Variants in APOBEC4 observed in about 807,000 individuals in gnomAD.
APOBEC4 encodes putative deaminase APOBEC-4.
For missense variants in APOBEC4, 375 were observed against 441.2 expected, an observed-to-expected ratio of 0.85 and a Z score of 1.34; for synonymous variants, 141 against 154.2, an observed-to-expected ratio of 0.91 and a Z score of 0.63.
At chr1:183,649,436 A>G (rs756422677) in intron 1 of APOBEC4, among the ~76,000 whole-genome samples, 2 of 152,232 alleles carry the variant, frequency 1.3e-5, no homozygotes, top group Non-Finnish European at 1.5e-5. Context: ...AGAACTATTC[A>G]GTGTGCTTGC....
chr1:183,650,214 T>G (rs138949452), intron 1 of APOBEC4, among the ~76,000 whole-genome samples: 9 of 152,282 alleles, frequency 5.9e-5, no homozygotes, highest in African/African-American at 2.2e-4. Context: ...GCTTTTTCAC[T>G]TAATATTGTG....
At chr1:183,652,336 G>C (rs1650821204) in intron 1 of APOBEC4, among the ~76,000 whole-genome samples, 1 of 152,180 alleles carries the variant, frequency 6.6e-6, no homozygotes, top group African/African-American at 2.4e-5. Flanking sequence ...AGAGGACTGT[G>C]GCTTTAACAC....
rs1650378533 is a variant in APOBEC4, at chr1:183,647,580, C to T, written c.*98G>A. On this transcript the variant is annotated 3_prime_UTR_variant, in exon 2 of 2. Transcript: ENST00000308641. The stretch of plus-strand genomic sequence containing the variant: ...TTGCTTTTAGTGCATCAGTTTATCT[C>T]CATCTTGGCTCAGCCCTGAGAGAGA... 1 of 1,476,810 alleles carries T rather than the reference C, an allele frequency of 6.8e-7. No individual in the cohort carries two copies. The highest frequency in any genetic ancestry group is 1.5e-5 in the South Asian group (1 of 68,250). 91.5% of individuals were successfully genotyped at this position (1,476,810 alleles called of 1,614,324 possible).
At chr1:183,650,306 G>A (rs1168060535) in intron 1 of APOBEC4, among the ~76,000 whole-genome samples, 1 of 152,160 alleles carries the variant, frequency 6.6e-6, no homozygotes, top group African/African-American at 2.4e-5. Flanking sequence ...CACTTTGGGA[G>A]GCCAGGGTGG....
At chr1:183,648,834 A>G (rs1650511161) in intron 1 of APOBEC4, 23 bp from the exon 2 acceptor site, 4 of 1,424,920 alleles carry the variant, frequency 2.8e-6, no homozygotes, top group Middle Eastern at 1.8e-4. Flanking sequence ...GAGAAATTAC[A>G]TATAAAACCA....
chr1:183,648,822 A>G lies in APOBEC4; in HGVS notation c.-30-11T>C. On this transcript the variant is annotated splice_polypyrimidine_tract_variant and intron_variant, in intron 1 of 1. Transcript: ENST00000308641. ...CTTCTAGCTGCAAACCTAAACAAGG[A>G]AGAGAAATTACATATAAAACCAGCG... 1 of 1,476,832 alleles carries G rather than the reference A, an allele frequency of 6.8e-7. No homozygotes were observed. The highest frequency in any genetic ancestry group is 1.3e-5 in the South Asian group (1 of 76,826). 91.5% of individuals were successfully genotyped at this position (1,476,832 alleles called of 1,614,324 possible). A position where few individuals can be genotyped will look rare whatever the true frequency, so the allele number is the denominator to read the frequency against.
chr1:183,647,546 A>G lies in APOBEC4; in HGVS notation c.*132T>C. 7.3e-7 allele frequency: 1 copy of G among 1,376,748 alleles called. No homozygotes were observed. The highest frequency in any genetic ancestry group is 9.6e-7 in the Non-Finnish European group (1 of 1,040,852). 85.3% of individuals were successfully genotyped at this position (1,376,748 alleles called of 1,614,324 possible). A position where few individuals can be genotyped will look rare whatever the true frequency, so the allele number is the denominator to read the frequency against. On this transcript the variant is annotated 3_prime_UTR_variant, in exon 2 of 2. Transcript: ENST00000308641. ...TTTATAATAGTTGATATGGTAAATA[A>G]TTCAAGGTTTGCTTTTAGTGCATCA...
chr1:183,648,673 T>A lies in APOBEC4; in HGVS notation c.109A>T (p.Thr37Ser). The A allele has an allele frequency of 6.2e-7, 1 of 1,614,210 alleles. No individual in the cohort carries two copies. ...DCSNCPYHIR[T>S]GEEARVSLTE... ...AGGGAAACTCTTGCTTCTTCACCTG[T>A]TCGAATATGGTAAGGACAATTAGAG... The change falls in exon 2 of 2, where the codon ACA (threonine) becomes TCA (serine). Residue 37 changes from threonine to serine, a missense_variant. Transcript: ENST00000308641.
At position 183,648,665 on chromosome 1, in the gene APOBEC4, T is replaced by G; in HGVS notation, c.117A>C (p.Glu39Asp). ...SNCPYHIRTG[E>D]EARVSLTEFC... ...ATTCTGTGAGGGAAACTCTTGCTTCTTCACCTGTTCGAATATGGTAAGGAC... is the reference window on the plus strand; with the variant it reads ...ATTCTGTGAGGGAAACTCTTGCTTCGTCACCTGTTCGAATATGGTAAGGAC... Residue 39 changes from glutamate to aspartate, a missense_variant, in exon 2 of 2, where the codon GAA becomes GAC. Physicochemically the swap from Glu to Asp is conservative, Grantham distance 45. Transcript: ENST00000308641. 6.2e-7 allele frequency: 1 copy of G among 1,614,250 alleles called. No homozygotes were observed.
rs376258698 is a variant in APOBEC4 at position 183,648,553 on chromosome 1, T to C, written c.229A>G (p.Ser77Gly). 1.4e-5 allele frequency: 22 copies of C among 1,614,230 alleles called. No homozygotes were observed. Among genetic ancestry groups the C allele is most frequent in the Non-Finnish European group, 1.7e-5 (20 of 1,180,038 alleles). Residue 77 changes from serine (S) to glycine (G), a missense_variant, in exon 2 of 2, where the codon AGC becomes GGC. Ser to Gly is a moderately conservative substitution (Grantham distance 56, BLOSUM62 0). Transcript: ENST00000308641. ...CTAGCATGGCCCTTTTGCACCAGGCTACCAGAAGAAGTTTTTAGTTCATAA... is the reference window on the plus strand; with the variant it reads ...CTAGCATGGCCCTTTTGCACCAGGCCACCAGAAGAAGTTTTTAGTTCATAA... ...TFYELKTSSGSLVQKGHASSC... is the reference protein window; with the variant it reads ...TFYELKTSSGGLVQKGHASSC...
At position 183,648,771 on chromosome 1, in the gene APOBEC4, A is replaced by G. The variant is rs775423406; in HGVS notation, c.11T>C (p.Ile4Thr). Residue 4 changes from isoleucine to threonine, a missense_variant, in exon 2 of 2, where the codon ATA becomes ACA. Transcript: ENST00000308641. ...ATGATTTGCTAGGTACTCCTCATAT[A>G]TGGGCTCCATTGCTAGATTTACTGT... MEPIYEEYLANHGT... is the reference protein window; with the variant it reads MEPTYEEYLANHGT... The G allele has an allele frequency of 6.3e-7, 1 of 1,594,010 alleles. No homozygotes were observed. The highest frequency in any genetic ancestry group is 8.5e-7 in the Non-Finnish European group (1 of 1,170,564).
At chr1:183,652,102 T>C (rs1650800790) in intron 1 of APOBEC4, among the ~76,000 whole-genome samples, 1 of 152,252 alleles carries the variant, frequency 6.6e-6, no homozygotes, top group Admixed American at 6.5e-5. Flanking sequence ...GGCACTTTTC[T>C]GTCTTTATTA....
Position 183,648,656 on chromosome 1 carries a change from T to C in APOBEC4, c.126A>G (p.Arg42=), listed in dbSNP as rs562884646. ...PYHIRTGEEA[R]VSLTEFCQIF... ...TCTGACAAAATTCTGTGAGGGAAAC[T>C]CTTGCTTCTTCACCTGTTCGAATAT... Residue 42 remains arginine, a synonymous_variant, in exon 2 of 2, where the codon AGA becomes AGG. Coordinates refer to ENST00000308641, the MANE Select transcript of APOBEC4 (RefSeq NM_203454.3). 4 of 1,614,212 alleles carry C rather than the reference T, an allele frequency of 2.5e-6. No individual in the cohort carries two copies. The highest frequency in any genetic ancestry group is 3.4e-6 in the Non-Finnish European group (4 of 1,180,034).
Position 183,647,634 on chromosome 1 carries a change from A to G in APOBEC4, c.*44T>C, listed in dbSNP as rs1317171525. The G allele has an allele frequency of 8.5e-6, 13 of 1,526,678 alleles. No homozygotes were observed. The highest frequency in any genetic ancestry group is 1.4e-5 in the African/African-American group (1 of 72,038). The allele number at this position is 1,526,678 out of a possible 1,614,324, so 94.6% of individuals were successfully genotyped here. A position where few individuals can be genotyped will look rare whatever the true frequency, so the allele number is the denominator to read the frequency against. On this transcript the variant is annotated 3_prime_UTR_variant, in exon 2 of 2. Transcript: ENST00000308641. ...TTTCCAGATTTTTATTGCCTATCTA[A>G]TAAGTCCCTTGGTAATTGGTTTCAT...
chr1:183,652,622 C>G (rs1478073600), intron 1 of APOBEC4, among the ~76,000 whole-genome samples: 1 of 152,136 alleles, frequency 6.6e-6, no homozygotes, highest in Non-Finnish European at 1.5e-5. Flanking sequence ...GGAAATGTAC[C>G]CTGTTTAGGC....
Position 183,649,904 on chromosome 1 carries a change from C to T in APOBEC4, c.-30-1093G>A, listed in dbSNP as rs145718325. 5.4e-3 allele frequency among the ~76,000 whole-genome samples: 823 copies of T among 152,188 alleles called. 7 individuals carry two copies. The highest frequency in any genetic ancestry group is 0.018 in the African/African-American group (764 of 41,520). ...ATGGCTCACTGTGGCCCCAACCTTC[C>T]GGGCTCAAGTGATCCTCCTGCCTCA... On this transcript the variant is annotated intron_variant, in intron 1 of 1. Coordinates refer to ENST00000308641, the MANE Select transcript of APOBEC4 (RefSeq NM_203454.3).
intron 1 of APOBEC4, among the ~76,000 whole-genome samples, chr1:183,650,503 A>G (rs1238383370): frequency 6.6e-6 from 1 of 152,192 alleles, no homozygotes; most frequent in African/African-American, 2.4e-5. Context: ...ACATCCCACC[A>G]CTGCACTCCA....
Position 183,653,245 on chromosome 1 carries a change from C to G in APOBEC4, c.-204G>C, listed in dbSNP as rs1273884660. On this transcript the variant is annotated 5_prime_UTR_variant, in exon 1 of 2. Transcript: ENST00000308641. Reference sequence around the variant, plus strand: ...GACTCTTTCACAGTTTGTGTCTATTCGTTCATTTGAACTTTGCTGTTCCAA... The same window carrying G: ...GACTCTTTCACAGTTTGTGTCTATTGGTTCATTTGAACTTTGCTGTTCCAA... The G allele has an allele frequency of 6.6e-6, 1 of 152,178 alleles. No homozygotes were observed. Among genetic ancestry groups the G allele is most frequent in the African/African-American group, 2.4e-5 (1 of 41,442 alleles). 9.4% of individuals were successfully genotyped at this position (152,178 alleles called of 1,614,324 possible).
chr1:183,649,498 G>A (rs992857570), intron 1 of APOBEC4, among the ~76,000 whole-genome samples: 1 of 151,856 alleles, frequency 6.6e-6, no homozygotes, highest in Non-Finnish European at 1.5e-5. Context: ...AGGTTTTTGG[G>A]TTTTTTTTGA....
Sources: gnomAD v4.1 joint callset for allele counts (sites outside exome capture counted in the v4.1 genomes callset) on GRCh38, gnomAD v4.1.1 for gene constraint, MANE v1.5 for transcripts, NCBI Gene and HGNC (gene_info 2026-07-23, HGNC 2026-07-21) for gene names.